CDH18: variants seen among roughly 807,000 people sequenced by gnomAD.
CDH18 encodes cadherin-18.
CDH18 carries 31 observed loss-of-function variants against 67.9 expected under a neutral mutation model. The observed-to-expected ratio is 0.46, with a 90% CI of 0.34 to 0.62. The LOEUF is 0.62. Among genes scored for constraint, CDH18 ranks in the 20% least tolerant of loss-of-function variants. The pLI, the probability that CDH18 is intolerant of heterozygous loss-of-function variation, is 0.01. For missense variants in CDH18, 890 were observed against 975.5 expected, an observed-to-expected ratio of 0.91 and a Z score of 1.17; for synonymous variants, 362 against 347.2, an observed-to-expected ratio of 1.04 and a Z score of -0.48.
intron 1 of CDH18, among the ~76,000 whole-genome samples, chr5:20,272,338 A>G (rs1022212367): frequency 2.6e-5 from 4 of 152,094 alleles, no homozygotes; most frequent in African/African-American, 4.8e-5. Flanking sequence ...AGAAGGCAGA[A>G]TAAGAAAGTA....
intron 5 of CDH18, among the ~76,000 whole-genome samples, chr5:19,698,235 G>A (rs1345522814): frequency 6.6e-6 from 1 of 152,072 alleles, no homozygotes; most frequent in Non-Finnish European, 1.5e-5. Flanking sequence ...TTTAAGATAT[G>A]GAAGTTTTTT....
At chr5:20,368,107 T>G (rs1742671387) in intron 1 of CDH18, among the ~76,000 whole-genome samples, 1 of 152,208 alleles carries the variant, frequency 6.6e-6, no homozygotes, top group Non-Finnish European at 1.5e-5. Flanking sequence ...GCACATTTAA[T>G]TACCATTTTT....
At chr5:19,837,481 G>C (rs1282194852) in intron 3 of CDH18, among the ~76,000 whole-genome samples, 5 of 151,842 alleles carry the variant, frequency 3.3e-5, no homozygotes, top group Non-Finnish European at 7.4e-5. Flanking sequence ...ATTATGCTTT[G>C]ATGTTATTAC....
chr5:20,255,427 G>T (rs1744158432), intron 2 of CDH18: 1 of 152,046 alleles, frequency 6.6e-6, no homozygotes, highest in African/African-American at 2.4e-5. Context: ...ATTTATAAGA[G>T]AAAGTATAAG....
intron 2 of CDH18, among the ~76,000 whole-genome samples, chr5:19,840,472 G>T (rs1179118367): frequency 6.6e-6 from 1 of 152,008 alleles, no homozygotes; most frequent in Non-Finnish European, 1.5e-5. Context: ...GAAGGCTGAG[G>T]CAGGCAGATC....
At chr5:20,118,009 C>G (rs1748061130) in intron 2 of CDH18, among the ~76,000 whole-genome samples, 1 of 152,260 alleles carries the variant, frequency 6.6e-6, no homozygotes, top group African/African-American at 2.4e-5. Flanking sequence ...ATGTTAATAG[C>G]ATTGCTGCTA....
At chr5:19,822,540 A>G (rs977049639) in intron 3 of CDH18, among the ~76,000 whole-genome samples, 1 of 152,196 alleles carries the variant, frequency 6.6e-6, no homozygotes, top group African/African-American at 2.4e-5. Context: ...AAAGCTGGGC[A>G]TCCGGGGCAG....
chr5:20,570,511 G>T (rs1264573593), intron 1 of CDH18, among the ~76,000 whole-genome samples: 1 of 152,152 alleles, frequency 6.6e-6, no homozygotes, highest in African/African-American at 2.4e-5. Context: ...ACCTATGAGT[G>T]ACATTAGTAT....
intron 1 of CDH18, among the ~76,000 whole-genome samples, chr5:20,392,942 T>G (rs1207190668): frequency 2.0e-5 from 3 of 151,854 alleles, no homozygotes; most frequent in African/African-American, 7.2e-5. Flanking sequence ...CCATTGGATA[T>G]GAGTATATGT....
At chr5:20,227,234 C>T (rs555121257) in intron 2 of CDH18, among the ~76,000 whole-genome samples, 7 of 152,178 alleles carry the variant, frequency 4.6e-5, no homozygotes, top group Admixed American at 3.3e-4. Flanking sequence ...AAAAATCACA[C>T]AAATTCAGAG....
At chr5:19,692,594 A>C (rs1234677049) in intron 5 of CDH18, among the ~76,000 whole-genome samples, 2 of 152,054 alleles carry the variant, frequency 1.3e-5, no homozygotes, top group Non-Finnish European at 2.9e-5. Flanking sequence ...ATTTCTAATA[A>C]AACGATATGC....
chr5:20,278,941 A>C (rs1561934222), intron 1 of CDH18, among the ~76,000 whole-genome samples: 1 of 152,144 alleles, frequency 6.6e-6, no homozygotes, highest in Non-Finnish European at 1.5e-5. Flanking sequence ...AAACTAAAAA[A>C]TGAAAAGATA....
intron 5 of CDH18, among the ~76,000 whole-genome samples, chr5:19,682,453 T>C (rs1236710057): frequency 6.6e-6 from 1 of 152,056 alleles, no homozygotes; most frequent in Non-Finnish European, 1.5e-5. Flanking sequence ...TCTTTTTTGC[T>C]TCTAAGACAC....
chr5:20,567,642 T>A (rs1199185329), intron 1 of CDH18, among the ~76,000 whole-genome samples: 2 of 152,164 alleles, frequency 1.3e-5, no homozygotes, highest in Non-Finnish European at 2.9e-5. Flanking sequence ...ATGTGCTTTT[T>A]TTTCATCCTG....
At chr5:19,607,953 G>T (rs1748328296) in intron 6 of CDH18, among the ~76,000 whole-genome samples, 2 of 151,526 alleles carry the variant, frequency 1.3e-5, no homozygotes, top group South Asian at 4.1e-4. Context: ...TCAAGAGAAA[G>T]ATATCAAAGC....
chr5:19,862,516 T>TG (rs1394903474), intron 2 of CDH18, among the ~76,000 whole-genome samples: 1 of 152,144 alleles, frequency 6.6e-6, no homozygotes, highest in East Asian at 1.9e-4. Flanking sequence ...AAAATCGTAA[T>TG]GTTACATTTT....
intron 2 of CDH18, among the ~76,000 whole-genome samples, chr5:20,215,453 TAAATAAATAAATAAATAAAC>T (rs1452772425): frequency 3.6e-5 from 4 of 109,898 alleles, no homozygotes; most frequent in African/African-American, 1.6e-4. Context: ...AATAAATAAA[TAAATAAATAAATAAATAAAC>T]AAACCAGATG....
chr5:19,699,619 T>TGC, intron 5 of CDH18, among the ~76,000 whole-genome samples: 2 of 110,874 alleles, frequency 1.8e-5, no homozygotes, highest in Non-Finnish European at 3.6e-5. Context: ...TCCATGTGTG[T>TGC]GTGTGTGTGT....
At chr5:20,032,008 G>C (rs1474545200) in intron 2 of CDH18, among the ~76,000 whole-genome samples, 1 of 151,948 alleles carries the variant, frequency 6.6e-6, no homozygotes, top group East Asian at 1.9e-4. Flanking sequence ...GATGGGACAA[G>C]ACTGACCTAC....
Sources: gnomAD v4.1 joint callset for allele counts (sites outside exome capture counted in the v4.1 genomes callset) on GRCh38, gnomAD v4.1.1 for gene constraint, MANE v1.5 for transcripts, NCBI Gene and HGNC (gene_info 2026-07-23, HGNC 2026-07-21) for gene names.